RBFOX1: variants seen among roughly 807,000 people sequenced by gnomAD.
The protein encoded by RBFOX1 is RNA binding fox-1 homolog 1.
In RBFOX1, 8 loss-of-function variants were observed where a neutral mutation model predicts 57.7. That is an observed-to-expected ratio of 0.14 (90% confidence interval 0.08 to 0.25). The LOEUF (loss-of-function observed/expected upper bound fraction) is 0.25, where lower values mean the gene tolerates loss of function less well. Among genes scored for constraint, RBFOX1 ranks in the 10% least tolerant of loss-of-function variants. The pLI, the probability that RBFOX1 is intolerant of heterozygous loss-of-function variation, is 1.00. For synonymous variants in RBFOX1, 326 were observed against 222.4 expected (o/e 1.47, Z -4.15); for missense variants, 611 against 548.5 (o/e 1.11, Z -1.14).
intron 1 of RBFOX1, among the ~76,000 whole-genome samples, chr16:6,226,406 C>T (rs914520242): frequency 6.9e-6 from 1 of 144,556 alleles, no homozygotes; most frequent in African/African-American, 2.5e-5. Context: ...AAAATATTTC[C>T]AATAAATTTT....
At chr16:6,670,602 T>A (rs1236288616) in intron 3 of RBFOX1, among the ~76,000 whole-genome samples, 1 of 152,170 alleles carries the variant, frequency 6.6e-6, no homozygotes, top group Admixed American at 6.5e-5. Flanking sequence ...AAAATGCAAA[T>A]TAAAACCATA....
intron 1 of RBFOX1, among the ~76,000 whole-genome samples, chr16:6,089,078 A>T (rs2343521): frequency 0.66 from 90,176 of 137,478 alleles, 30,430 homozygotes; most frequent in Non-Finnish European, 0.74. Flanking sequence ...AAAAAAAAAA[A>T]ATATATATAT....
chr16:7,165,052 A>G (rs1203192604), intron 4 of RBFOX1, among the ~76,000 whole-genome samples: 1 of 152,186 alleles, frequency 6.6e-6, no homozygotes, highest in Non-Finnish European at 1.5e-5. Context: ...GTCATAAAGG[A>G]GAGCTACTAT....
At chr16:6,715,055 T>C (rs1199990525) in intron 3 of RBFOX1, among the ~76,000 whole-genome samples, 1 of 152,094 alleles carries the variant, frequency 6.6e-6, no homozygotes, top group Non-Finnish European at 1.5e-5. Flanking sequence ...TATTTGGGAT[T>C]AGTTTTGTTC....
At chr16:5,765,335 G>C (rs544707075) in intron 3 of RBFOX1, among the ~76,000 whole-genome samples, 3 of 152,130 alleles carry the variant, frequency 2.0e-5, no homozygotes, top group African/African-American at 7.2e-5. Context: ...TCAACCAATT[G>C]TTTCCCAAGG....
chr16:5,584,080 A>G (rs1348737830), intron 2 of RBFOX1, among the ~76,000 whole-genome samples: 1 of 152,154 alleles, frequency 6.6e-6, no homozygotes, highest in Admixed American at 6.5e-5. Context: ...CTGTGATGTC[A>G]TGTGGGTTAC....
At chr16:6,415,179 G>A (rs2093587058) in intron 2 of RBFOX1, among the ~76,000 whole-genome samples, 1 of 148,516 alleles carries the variant, frequency 6.7e-6, no homozygotes, top group South Asian at 2.1e-4. Flanking sequence ...GGAGTCGGAG[G>A]TTGCAGTGAG....
rs74004459 is a variant in RBFOX1 at position 5,662,522 on chromosome 16, C to G, written c.318+63561C>G. The stretch of plus-strand genomic sequence containing the variant: ...GAGTATTACCATGAAGTTGTTTTGA[C>G]TTGGTAGATCTCCCTGAAAGAGTTC... On this transcript the variant is annotated intron_variant, in intron 3 of 19. Transcript: ENST00000641259. Among the ~76,000 whole-genome samples the G allele has an allele frequency of 4.8e-3, 735 of 152,292 alleles. 6 individuals carry two copies. The highest frequency in any genetic ancestry group is 0.015 in the African/African-American group (640 of 41,546).
At position 5,593,256 on chromosome 16, in the gene RBFOX1, C is replaced by G. The variant is rs1265653828; in HGVS notation, c.259-5646C>G. Among the ~76,000 whole-genome samples the G allele has an allele frequency of 4.0e-5, 6 of 151,574 alleles. No individual in the cohort carries two copies. The East Asian group carries it at 1.2e-3, about 30-fold the overall frequency. ...TAACACAGGAACAGAAAACCAAACA[C>G]TGTATGTTCTCACTTATAAGTGGGA... On this transcript the variant is annotated intron_variant, in intron 2 of 2. Transcript: ENST00000585867.
At chr16:5,358,427 ATGT>A (rs2065453148) in intron 1 of RBFOX1, among the ~76,000 whole-genome samples, 1 of 152,152 alleles carries the variant, frequency 6.6e-6, no homozygotes, top group African/African-American at 2.4e-5. Flanking sequence ...TTAAATTAAA[ATGT>A]TGTGGGTACA....
At chr16:5,784,488 A>C (rs947257610) in intron 3 of RBFOX1, among the ~76,000 whole-genome samples, 1 of 151,958 alleles carries the variant, frequency 6.6e-6, no homozygotes, top group African/African-American at 2.4e-5. Context: ...CAGCAGAGAG[A>C]CGGGGGAGGT....
intron 1 of RBFOX1, among the ~76,000 whole-genome samples, chr16:5,430,696 A>G (rs1457708328): frequency 2.0e-5 from 3 of 152,246 alleles, no homozygotes; most frequent in East Asian, 1.9e-4. Context: ...TGTAAGCAGT[A>G]TTATGTATAA....
intron 4 of RBFOX1, among the ~76,000 whole-genome samples, chr16:7,383,299 C>G (rs2097816219): frequency 6.6e-6 from 1 of 151,180 alleles, no homozygotes; most frequent in South Asian, 2.1e-4. Flanking sequence ...TGCAACAACA[C>G]TAGGCACGCA....
intron 2 of RBFOX1, among the ~76,000 whole-genome samples, chr16:5,486,653 A>C (rs2042637672): frequency 6.6e-6 from 1 of 152,188 alleles, no homozygotes; most frequent in African/African-American, 2.4e-5. Context: ...CTTGTCCATC[A>C]GGTCTCAGTC....
intron 4 of RBFOX1, among the ~76,000 whole-genome samples, chr16:7,211,612 G>T (rs940466201): frequency 6.6e-6 from 1 of 152,062 alleles, no homozygotes; most frequent in Admixed American, 6.6e-5. Context: ...AAATCTAGAG[G>T]CACACCTAGT....
chr16:7,224,383 C>G (rs777240836), intron 4 of RBFOX1, among the ~76,000 whole-genome samples: 1 of 152,134 alleles, frequency 6.6e-6, no homozygotes, highest in Non-Finnish European at 1.5e-5. Context: ...TGAATTCTGC[C>G]CATGCAAATT....
At position 6,965,166 on chromosome 16, in the gene RBFOX1, T is replaced by G. The variant is rs1372489491; in HGVS notation, c.-15-86891T>G. 5.9e-5 allele frequency among the ~76,000 whole-genome samples: 9 copies of G among 152,140 alleles called. No homozygotes were observed. The South Asian group carries it at 6.2e-4, about 11-fold the overall frequency. ...CAAGGGCAACTGTACTGCTGCAGAT[T>G]GCTGTGGTGGTAGATTCTGGGAGAG... On this transcript the variant is annotated intron_variant, in intron 3 of 15. Coordinates refer to ENST00000550418, the MANE Select transcript of RBFOX1 (RefSeq NM_018723.4).
intron 4 of RBFOX1, among the ~76,000 whole-genome samples, chr16:5,897,549 C>A (rs571319489): frequency 6.6e-6 from 1 of 151,992 alleles, no homozygotes; most frequent in Non-Finnish European, 1.5e-5. Flanking sequence ...TAGTGATGAC[C>A]CCCGGGGTTT....
chr16:6,763,315 A>G lies in RBFOX1; in HGVS notation c.-16+108665A>G, dbSNP rs548193282. Among the ~76,000 whole-genome samples, 5 of 115,162 alleles carry G rather than the reference A, an allele frequency of 4.3e-5. No homozygotes were observed. The Admixed American group carries it at 5.1e-4, about 12-fold the overall frequency. The allele number at this position is 115,162 out of a possible 152,430, so 75.6% of individuals were successfully genotyped here. A position where few individuals can be genotyped will look rare whatever the true frequency, so the allele number is the denominator to read the frequency against. ...GTCATTGGAAAAACCATTTACCAGT[A>G]TAGGGTCAGGCTAGACACTTGTAAG... is the stretch of plus-strand genomic sequence containing the variant. On this transcript the variant is annotated intron_variant, in intron 3 of 15. Coordinates refer to ENST00000550418, the MANE Select transcript of RBFOX1 (RefSeq NM_018723.4).
Sources: gnomAD v4.1 joint callset for allele counts (sites outside exome capture counted in the v4.1 genomes callset) on GRCh38, gnomAD v4.1.1 for gene constraint, MANE v1.5 for transcripts, NCBI Gene and HGNC (gene_info 2026-07-23, HGNC 2026-07-21) for gene names.